FGF12: variants seen among roughly 807,000 people sequenced by gnomAD.
FGF12 encodes the protein fibroblast growth factor 12B.
In FGF12, 14 loss-of-function variants were observed where a neutral mutation model predicts 23.6. That is an observed-to-expected ratio of 0.59 (90% CI 0.39 to 0.93). The LOEUF (loss-of-function observed/expected upper bound fraction) is 0.93. FGF12 is among the 40% of genes least tolerant of loss of function. The pLI is 0.00. For synonymous variants in FGF12, 62 were observed against 77.3 expected, an observed-to-expected ratio of 0.80 and a Z score of 1.04; for missense variants, 175 against 217.8, an observed-to-expected ratio of 0.80 and a Z score of 1.24.
Position 192,632,906 on chromosome 3 carries a change from CCT to C in FGF12, c.13+94273_13+94274del, listed in dbSNP as rs879356559. On this transcript the variant is annotated intron_variant, in intron 2 of 5. Coordinates refer to ENST00000445105, the MANE Select transcript of FGF12 (RefSeq NM_004113.6). ...GCTCTGGGGGGGAATCTATTCCATG[CCT>C]CTCTCCTAGCTTCCGGTGGTTGCAG... is the stretch of plus-strand genomic sequence containing the variant. Among the ~76,000 whole-genome samples the C allele has an allele frequency of 3.5e-4, 53 of 152,232 alleles. 1 individual carries two copies. The Middle Eastern group carries it at 0.017, about 49-fold the overall frequency.
chr3:192,217,531 A>G (rs1718252557), intron 4 of FGF12, among the ~76,000 whole-genome samples: 1 of 152,200 alleles, frequency 6.6e-6, no homozygotes, highest in South Asian at 2.1e-4. Context: ...ATAAAAACAC[A>G]TGGAGCTGTA....
chr3:192,346,900 C>T (rs923452921), intron 3 of FGF12, among the ~76,000 whole-genome samples: 1 of 151,840 alleles, frequency 6.6e-6, no homozygotes, highest in Non-Finnish European at 1.5e-5. Context: ...TGATTTGCAC[C>T]GTACTTTAAA....
At chr3:192,285,822 T>G (rs1331561273) in intron 4 of FGF12, among the ~76,000 whole-genome samples, 1 of 152,008 alleles carries the variant, frequency 6.6e-6, no homozygotes, top group East Asian at 1.9e-4. Context: ...GGTTATCTTG[T>G]TTTTGGTGGA....
chr3:192,430,928 T>C (rs1457425606), intron 2 of FGF12, among the ~76,000 whole-genome samples: 2 of 152,236 alleles, frequency 1.3e-5, no homozygotes, highest in South Asian at 2.1e-4. Context: ...ATTGGGTCTA[T>C]GCTCAATATC....
Position 192,408,683 on chromosome 3 carries a change from T to C in FGF12, c.14-48145A>G. Reference sequence around the variant, plus strand: ...TGTCCAAAGTATACCTACACATACATACATAGAAAACCCGTTTACAAAGCA... The same window carrying C: ...TGTCCAAAGTATACCTACACATACACACATAGAAAACCCGTTTACAAAGCA... On this transcript the variant is annotated intron_variant, in intron 2 of 5. Transcript: ENST00000445105. This position sits in a 1 kb window ranked among gnomAD's most constrained non-coding sequence, Gnocchi z 7.3. 4.0e-6 allele frequency: 4 copies of C among 992,952 alleles called. No individual in the cohort carries two copies. The highest frequency in any genetic ancestry group is 4.8e-6 in the Non-Finnish European group (4 of 835,276). The allele number at this position is 992,952 out of a possible 1,614,324, so 61.5% of individuals were successfully genotyped here. A position where few individuals can be genotyped will look rare whatever the true frequency, so the allele number is the denominator to read the frequency against.
At chr3:192,702,574 C>T (rs746363399) in intron 2 of FGF12, among the ~76,000 whole-genome samples, 1 of 152,136 alleles carries the variant, frequency 6.6e-6, no homozygotes, top group Non-Finnish European at 1.5e-5. Flanking sequence ...AGGTAGATTG[C>T]TTGAGTCCAG....
intron 2 of FGF12, among the ~76,000 whole-genome samples, chr3:192,449,918 T>C (rs1722470069): frequency 6.6e-6 from 1 of 151,938 alleles, no homozygotes; most frequent in East Asian, 1.9e-4. Context: ...ATATATACTA[T>C]TGCTGCATCC....
chr3:192,178,596 T>C (rs1038757441), intron 4 of FGF12, among the ~76,000 whole-genome samples: 2 of 152,088 alleles, frequency 1.3e-5, no homozygotes, highest in African/African-American at 4.8e-5. Context: ...CCTCCCTGGT[T>C]CAAGCAATTC....
intron 2 of FGF12, among the ~76,000 whole-genome samples, chr3:192,403,632 G>T (rs1392785779): frequency 6.6e-6 from 1 of 151,114 alleles, no homozygotes; most frequent in Admixed American, 6.6e-5. Flanking sequence ...ACTTTCAAAA[G>T]AGAAAATGTA....
Position 192,556,059 on chromosome 3 carries a change from A to G in FGF12, c.13+171122T>C, listed in dbSNP as rs1454891818. On this transcript the variant is annotated intron_variant, in intron 2 of 5. Coordinates refer to ENST00000445105, the MANE Select transcript of FGF12 (RefSeq NM_004113.6). ...AAATCAAAGCATGTTGCTATTAAAA[A>G]AAAAATCAACAAAACACAAGGGAAG... 1.1e-4 allele frequency among the ~76,000 whole-genome samples: 16 copies of G among 152,298 alleles called. No individual in the cohort carries two copies. In the East Asian group the frequency reaches 2.9e-3, roughly 28 times the overall value.
Position 192,437,802 on chromosome 3 carries a change from C to G in FGF12, c.14-77264G>C, listed in dbSNP as rs938576711. On this transcript the variant is annotated intron_variant, in intron 2 of 5. Coordinates refer to ENST00000445105, the MANE Select transcript of FGF12 (RefSeq NM_004113.6). The stretch of plus-strand genomic sequence containing the variant: ...CTTCAGTCTCTTTGTAATCTGGAAG[C>G]TTTATTGGAGAATCCCTCTCACTTA... Among the ~76,000 whole-genome samples the G allele has an allele frequency of 2.6e-5, 4 of 152,230 alleles. No individual in the cohort carries two copies. In the South Asian group the frequency reaches 8.3e-4, roughly 32 times the overall value.
intron 2 of FGF12, among the ~76,000 whole-genome samples, chr3:192,391,121 G>A (rs1429141858): frequency 6.6e-6 from 1 of 152,152 alleles, no homozygotes; most frequent in East Asian, 1.9e-4. Context: ...AGCATGAGCC[G>A]AAGGAGGACA....
At chr3:192,577,315 T>C (rs1293638462) in intron 2 of FGF12, among the ~76,000 whole-genome samples, 1 of 152,250 alleles carries the variant, frequency 6.6e-6, no homozygotes, top group African/African-American at 2.4e-5. Flanking sequence ...ACTTTTGAAC[T>C]GTGAGCATAT....
chr3:192,721,597 A>G (rs1461001906), intron 2 of FGF12, among the ~76,000 whole-genome samples: 1 of 152,178 alleles, frequency 6.6e-6, no homozygotes, highest in Non-Finnish European at 1.5e-5. Context: ...AGCACAAAAC[A>G]CCAAACCTAA....
chr3:192,659,101 G>A lies in FGF12; in HGVS notation c.13+68080C>T, dbSNP rs190793880. On this transcript the variant is annotated intron_variant, in intron 2 of 5. Coordinates refer to ENST00000445105, the MANE Select transcript of FGF12 (RefSeq NM_004113.6). ...TCAGCTGCTGATGCTAGATTTCCAC[G>A]GATAGGAAAACATGAGCTCAACAAT... is the stretch of plus-strand genomic sequence containing the variant. Among the ~76,000 whole-genome samples the A allele has an allele frequency of 1.4e-4, 22 of 152,122 alleles. No individual in the cohort carries two copies. The East Asian group carries it at 2.7e-3, about 19-fold the overall frequency.
intron 2 of FGF12, among the ~76,000 whole-genome samples, chr3:192,378,023 T>C (rs1719603388): frequency 1.1e-5 from 1 of 87,262 alleles, no homozygotes; most frequent in South Asian, 3.7e-4. Flanking sequence ...TTCTGACTCT[T>C]TCTTTTCTTT....
chr3:192,639,175 A>G (rs937211438), intron 2 of FGF12, among the ~76,000 whole-genome samples: 1 of 152,212 alleles, frequency 6.6e-6, no homozygotes, highest in African/African-American at 2.4e-5. Flanking sequence ...GAAGACAGAA[A>G]AATGACCAAT....
At chr3:192,210,520 T>C (rs1717874575) in intron 4 of FGF12, among the ~76,000 whole-genome samples, 1 of 152,056 alleles carries the variant, frequency 6.6e-6, no homozygotes, top group Admixed American at 6.6e-5. Flanking sequence ...TTAATAAAAT[T>C]CTAGGAAAGT....
intron 3 of FGF12, among the ~76,000 whole-genome samples, chr3:192,352,102 C>A (rs1412067400): frequency 6.6e-6 from 1 of 151,878 alleles, no homozygotes; most frequent in East Asian, 1.9e-4. Context: ...CAGAATTGAG[C>A]CTTGACTCTC....
Sources: gnomAD v4.1 joint callset for allele counts (sites outside exome capture counted in the v4.1 genomes callset) on GRCh38, gnomAD v4.1.1 for gene constraint, Gnocchi (gnomAD v3.1) non-coding constraint, MANE v1.5 for transcripts, NCBI Gene and HGNC (gene_info 2026-07-23, HGNC 2026-07-21) for gene names.